MAN2A1: variants seen among roughly 807,000 people sequenced by gnomAD.
The protein encoded by MAN2A1 is alpha-mannosidase 2.
Under a neutral mutation model 142.6 loss-of-function variants are expected in MAN2A1, and 76 were observed. The ratio of observed to expected loss-of-function variants is 0.53; its 90% confidence interval spans 0.44 to 0.65. The LOEUF (loss-of-function observed/expected upper bound fraction) is 0.65, where lower values mean the gene tolerates loss of function less well. Among genes scored for constraint, MAN2A1 ranks in the 30% least tolerant of loss-of-function variants. MAN2A1 has a pLI of 0.00. For synonymous variants in MAN2A1, 559 were observed against 473.2 expected, an observed-to-expected ratio of 1.18 and a Z score of -2.35; for missense variants, 1,311 against 1,365.1, an observed-to-expected ratio of 0.96 and a Z score of 0.62.
rs1287906853 is a variant in MAN2A1, at chr5:109,847,756, G to A, written c.2942G>A (p.Arg981Gln). The A allele has an allele frequency of 3.1e-6, 5 of 1,591,970 alleles. No homozygotes were observed. The highest frequency in any genetic ancestry group is 2.3e-5 in the South Asian group (2 of 86,960). Reference sequence around the variant, plus strand: ...AACAAGATTACAGCTAATCTATTTCGAATACTACTAGAAAAAAGAAGTGCT... The same window carrying A: ...AACAAGATTACAGCTAATCTATTTCAAATACTACTAGAAAAAAGAAGTGCT... Reference protein sequence around the residue: ...QDNKITANLFRILLEKRSAVN... With the variant: ...QDNKITANLFQILLEKRSAVN... The change falls in exon 19 of 22, where the codon CGA becomes CAA. Residue 981 changes from arginine (R) to glutamine (Q), a missense_variant. Arg to Gln is a conservative substitution (Grantham distance 43). This residue lies in a region of MAN2A1 where 890 missense variants were observed against 920.5 expected (regional missense o/e 0.97). Coordinates refer to ENST00000261483, the MANE Select transcript of MAN2A1 (RefSeq NM_002372.4).
At chr5:109,755,226 T>C in intron 4 of MAN2A1, 103 bp from the exon 5 acceptor site, 1 of 873,786 alleles carries the variant, frequency 1.1e-6, no homozygotes, top group Non-Finnish European at 1.8e-6. Flanking sequence ...GTATACATAC[T>C]GGTTATATTT....
chr5:109,753,289 G>T (rs1752597014), intron 4 of MAN2A1, among the ~76,000 whole-genome samples: 1 of 152,190 alleles, frequency 6.6e-6, no homozygotes, highest in Non-Finnish European at 1.5e-5. Flanking sequence ...GCAATCACCA[G>T]AAAGATAAGA....
chr5:109,696,971 T>C (rs888059438), intron 1 of MAN2A1, among the ~76,000 whole-genome samples: 2 of 152,220 alleles, frequency 1.3e-5, no homozygotes, highest in Non-Finnish European at 2.9e-5. Context: ...AAGGAAAAAA[T>C]GGAAGATTCT....
At chr5:109,821,740 CTG>C (rs896251006) in intron 15 of MAN2A1, among the ~76,000 whole-genome samples, 1 of 152,046 alleles carries the variant, frequency 6.6e-6, no homozygotes, top group Non-Finnish European at 1.5e-5. Context: ...TATTCTTTGA[CTG>C]TTTTTCTGTT....
intron 13 of MAN2A1, among the ~76,000 whole-genome samples, chr5:109,819,387 C>T (rs2112724232): frequency 6.6e-6 from 1 of 152,254 alleles, no homozygotes; most frequent in Middle Eastern, 3.4e-3. Context: ...TATTTTAAAT[C>T]ATCTCTAAAT....
chr5:109,829,904 A>G (rs1006697453), intron 16 of MAN2A1, among the ~76,000 whole-genome samples: 1 of 152,146 alleles, frequency 6.6e-6, no homozygotes, highest in Non-Finnish European at 1.5e-5. Context: ...CCTTCTTAAA[A>G]CAATTTATCT....
chr5:109,767,824 C>T (rs891447886), intron 6 of MAN2A1, 116 bp downstream of exon 6: 1 of 778,920 alleles, frequency 1.3e-6, no homozygotes, highest in Non-Finnish European at 2.0e-6. Context: ...ATCAGGTGGC[C>T]TAAAGATAGT....
At chr5:109,748,447 T>C (rs1752462186) in intron 4 of MAN2A1, among the ~76,000 whole-genome samples, 1 of 150,026 alleles carries the variant, frequency 6.7e-6, no homozygotes, top group African/African-American at 2.4e-5. Flanking sequence ...TACAATTTTA[T>C]GCTAATAGGA....
At chr5:109,716,804 T>A (rs553637528) in intron 3 of MAN2A1, among the ~76,000 whole-genome samples, 1 of 152,276 alleles carries the variant, frequency 6.6e-6, no homozygotes, top group South Asian at 2.1e-4. Context: ...GTTTTTTCCC[T>A]GGTAGAATGA....
intron 4 of MAN2A1, among the ~76,000 whole-genome samples, chr5:109,729,899 C>T (rs1055674813): frequency 3.9e-5 from 6 of 151,912 alleles, no homozygotes; most frequent in East Asian, 3.9e-4. Context: ...GGCTCAGGCA[C>T]GACAATGCTT....
intron 12 of MAN2A1, among the ~76,000 whole-genome samples, chr5:109,796,371 G>A (rs1014415556): frequency 5.3e-5 from 8 of 152,154 alleles, no homozygotes; most frequent in Non-Finnish European, 1.0e-4. Flanking sequence ...TATGATACAT[G>A]TATATATTTC....
intron 3 of MAN2A1, among the ~76,000 whole-genome samples, chr5:109,727,314 G>T (rs1232808606): frequency 1.3e-5 from 2 of 152,036 alleles, no homozygotes; most frequent in Non-Finnish European, 2.9e-5. Context: ...CTTGTTGATG[G>T]CTGTCTTCTC....
chr5:109,750,793 A>C (rs1286602406), intron 4 of MAN2A1, among the ~76,000 whole-genome samples: 2 of 152,130 alleles, frequency 1.3e-5, no homozygotes. Context: ...AAAAGAAAAA[A>C]TATAACTCAT....
At chr5:109,704,497 C>A (rs866812668) in intron 1 of MAN2A1, among the ~76,000 whole-genome samples, 16 of 152,166 alleles carry the variant, frequency 1.1e-4, no homozygotes, top group South Asian at 1.0e-3. Flanking sequence ...TGGCTTGTGG[C>A]TCATTGACAG....
At chr5:109,694,675 T>C (rs1750763622) in intron 1 of MAN2A1, among the ~76,000 whole-genome samples, 1 of 151,760 alleles carries the variant, frequency 6.6e-6, no homozygotes, top group Non-Finnish European at 1.5e-5. Context: ...TTTTTTAACT[T>C]ACTGTAATAC....
chr5:109,698,764 A>T (rs976447309), intron 1 of MAN2A1, among the ~76,000 whole-genome samples: 1 of 150,206 alleles, frequency 6.7e-6, no homozygotes, highest in African/African-American at 2.4e-5. Context: ...TTTACCAATG[A>T]TTTTTTTTTT....
intron 3 of MAN2A1, among the ~76,000 whole-genome samples, chr5:109,724,710 A>G (rs564966966): frequency 6.6e-6 from 1 of 152,322 alleles, no homozygotes; most frequent in African/African-American, 2.4e-5. Context: ...AAAAATCATT[A>G]TTATAGCAAT....
In MAN2A1 at chr5:109,696,390, C is replaced by T. The variant is rs142060818; in HGVS notation, c.135+5838C>T. Among the ~76,000 whole-genome samples the T allele has an allele frequency of 5.5e-3, 839 of 152,298 alleles. 2 individuals carry two copies. The highest frequency in any genetic ancestry group is 7.7e-3 in the Non-Finnish European group (527 of 68,030). ...TTGGGATTACAGGCGTGAGCCTCTG[C>T]GCCTGGTTGGTATCTCTTAAATATC... is the stretch of plus-strand genomic sequence containing the variant. On this transcript the variant is annotated intron_variant, in intron 1 of 21. Transcript: ENST00000261483.
rs149091124 is a variant in MAN2A1, at chr5:109,777,512, G to C, written c.1374+2547G>C. ...TGCAAATGTTGTCTCCTACTATGTA[G>C]CCTGCATTTTCACTTTCTCATGCTG... On this transcript the variant is annotated intron_variant, in intron 8 of 21. Transcript: ENST00000261483. Among the ~76,000 whole-genome samples, 965 of 151,856 alleles carry C rather than the reference G, an allele frequency of 6.4e-3. 8 individuals carry two copies. Among genetic ancestry groups the C allele is most frequent in the Non-Finnish European group, 0.011 (722 of 67,854 alleles).
Sources: allele counts gnomAD v4.1 joint callset (sites outside exome capture counted in the v4.1 genomes callset), GRCh38; gene constraint gnomAD v4.1.1; regional missense constraint gnomAD v4.1.1; transcripts MANE v1.5; gene names NCBI Gene and HGNC (gene_info 2026-07-23, HGNC 2026-07-21).